The following ANKRD11 variants were observed in gnomAD, a reference collection of about 807,000 sequenced individuals.
ANKRD11 encodes ankyrin repeat domain-containing protein 11.
In ANKRD11, 17 loss-of-function variants were observed where a neutral mutation model predicts 195.7. That is an observed-to-expected ratio of 0.09 (90% confidence interval 0.06 to 0.13). The LOEUF (loss-of-function observed/expected upper bound fraction) is 0.13, where lower values mean the gene tolerates loss of function less well. Ranked by LOEUF, ANKRD11 falls within the 10% of genes least tolerant of loss-of-function variation. The pLI is 1.00. For synonymous variants in ANKRD11, 1,953 were observed against 1,528.1 expected, an observed-to-expected ratio of 1.28 and a Z score of -6.49; for missense variants, 3,735 against 3,566.1, an observed-to-expected ratio of 1.05 and a Z score of -1.21.
chr16:89,372,994 A>G (rs923055160), intron 2 of ANKRD11: 1 of 152,238 alleles, frequency 6.6e-6, no homozygotes, highest in African/African-American at 2.4e-5. Flanking sequence ...CGAGGAAGGC[A>G]CAGCACCCAC....
chr16:89,432,897 G>A (rs928903986), intron 1 of ANKRD11, among the ~76,000 whole-genome samples: 2 of 151,314 alleles, frequency 1.3e-5, no homozygotes, highest in Non-Finnish European at 2.9e-5. Context: ...AGGCTGCAGG[G>A]GGCTTTATCA....
intron 2 of ANKRD11, among the ~76,000 whole-genome samples, chr16:89,336,205 C>T (rs2038344388): frequency 6.6e-6 from 1 of 152,228 alleles, no homozygotes; most frequent in Admixed American, 6.5e-5. Context: ...TCCTTGTGGG[C>T]TACTCAAGAC....
At chr16:89,304,655 CG>C (rs1028747715) in intron 4 of ANKRD11, among the ~76,000 whole-genome samples, 15 of 151,798 alleles carry the variant, frequency 9.9e-5, no homozygotes, top group African/African-American at 3.4e-4. Context: ...CACAGATACA[CG>C]GGCATGTGCA....
At chr16:89,276,575 C>T (rs1420755937) in intron 9 of ANKRD11, among the ~76,000 whole-genome samples, 7 of 152,192 alleles carry the variant, frequency 4.6e-5, no homozygotes, top group South Asian at 2.1e-4. Flanking sequence ...CACTGCTGAC[C>T]GACACTGCCC....
At chr16:89,329,079 C>G (rs1036450336) in intron 2 of ANKRD11, 1 of 153,096 alleles carries the variant, frequency 6.5e-6, no homozygotes, top group Non-Finnish European at 1.5e-5. Flanking sequence ...GAGGCCCCTG[C>G]TGAGTGAGTG....
chr16:89,362,003 A>G (rs553230786), intron 2 of ANKRD11, among the ~76,000 whole-genome samples: 3 of 152,286 alleles, frequency 2.0e-5, no homozygotes, highest in African/African-American at 7.2e-5. Context: ...AGGCAGGAGG[A>G]CCCTGAATTT....
rs201683755 is a variant in ANKRD11 at position 89,288,597 on chromosome 16, C to T, written c.675G>A (p.Ala225=). The change falls in exon 7 of 13, where the codon GCG becomes GCA. Residue 225 remains alanine (A), a synonymous_variant. Coordinates refer to ENST00000301030, the MANE Select transcript of ANKRD11 (RefSeq NM_013275.6). ...DVAKQLLAAG[A]EVNTKGLDDD... Reference sequence around the variant, plus strand: ...CATCTAGGCCCTTGGTGTTCACCTCCGCACCTGCAGCCAGCAGCTGCTTCG... The same window carrying T: ...CATCTAGGCCCTTGGTGTTCACCTCTGCACCTGCAGCCAGCAGCTGCTTCG... 118 of 1,614,038 alleles carry T rather than the reference C, an allele frequency of 7.3e-5. 1 individual carries two copies. The Middle Eastern group carries it at 9.9e-4, about 13-fold the overall frequency.
Position 89,471,879 on chromosome 16 carries a change from T to C in ANKRD11, c.-145+18366A>G, listed in dbSNP as rs2057097297. On this transcript the variant is annotated intron_variant, in intron 1 of 12. Coordinates refer to ENST00000301030, the MANE Select transcript of ANKRD11 (RefSeq NM_013275.6). ...AGCAAAGAGGAAACAGGAAAACATG[T>C]ACCTTAAGTCCTTACTCCCCCAGTT... Among the ~76,000 whole-genome samples, 5 of 151,154 alleles carry C rather than the reference T, an allele frequency of 3.3e-5. No homozygotes were observed. In the South Asian group the frequency reaches 1.0e-3, roughly 32 times the overall value.
At chr16:89,310,361 G>A (rs1350727397) in intron 3 of ANKRD11, among the ~76,000 whole-genome samples, 1 of 152,242 alleles carries the variant, frequency 6.6e-6, no homozygotes, top group African/African-American at 2.4e-5. Flanking sequence ...AGGAAGCAAT[G>A]AAACTACACT....
chr16:89,394,383 C>G (rs1056799157), intron 2 of ANKRD11, among the ~76,000 whole-genome samples: 7 of 152,248 alleles, frequency 4.6e-5, no homozygotes, highest in African/African-American at 1.7e-4. Context: ...AATCCCAGCA[C>G]TTTGGGAGGC....
chr16:89,280,027 C>T lies in ANKRD11; in HGVS notation c.6515G>A (p.Gly2172Glu), dbSNP rs1166257435. 1.2e-6 allele frequency: 2 copies of T among 1,612,676 alleles called. No homozygotes were observed. The highest frequency in any genetic ancestry group is 1.3e-5 in the African/African-American group (1 of 74,938). ...GGAAACATCCCCACCGTTTATGACC[C>T]CGGGGGCCCCTGGAGGCATCTCTTC... The part of the protein sequence containing the change: ...PPEEMPPGAP[G>E]VINGGDVSTV... Residue 2172 changes from glycine (G) to glutamate (E), a missense_variant, in exon 9 of 13, where the codon GGG (glycine) becomes GAG (glutamate). By Grantham distance (98) the Gly-to-Glu change is moderately conservative. Coordinates refer to ENST00000301030, the MANE Select transcript of ANKRD11 (RefSeq NM_013275.6).
intron 1 of ANKRD11, among the ~76,000 whole-genome samples, chr16:89,444,718 A>G (rs2043703249): frequency 6.6e-6 from 1 of 152,210 alleles, no homozygotes; most frequent in Non-Finnish European, 1.5e-5. Context: ...AACAGGAAGG[A>G]GGATGGCATG....
chr16:89,346,268 AAAG>A (rs1445014645), intron 2 of ANKRD11, among the ~76,000 whole-genome samples: 3 of 151,552 alleles, frequency 2.0e-5, no homozygotes, highest in Admixed American at 6.6e-5. Context: ...AAAAAAAAAA[AAAG>A]AATCAACACA....
At chr16:89,352,822 C>A (rs1597752703) in intron 2 of ANKRD11, among the ~76,000 whole-genome samples, 1 of 152,184 alleles carries the variant, frequency 6.6e-6, no homozygotes, top group Admixed American at 6.5e-5. Context: ...CCACATGGGC[C>A]CCCAAGCAGG....
At chr16:89,349,550 T>C (rs184008884) in intron 2 of ANKRD11, among the ~76,000 whole-genome samples, 52 of 152,334 alleles carry the variant, frequency 3.4e-4, no homozygotes, top group Admixed American at 1.2e-3. Context: ...AGAAATTGAA[T>C]GGCAAAATAA....
chr16:89,482,558 G>A (rs865835770), intron 1 of ANKRD11, among the ~76,000 whole-genome samples: 78 of 152,334 alleles, frequency 5.1e-4, no homozygotes, highest in African/African-American at 1.8e-3. Context: ...GGGAACTGAG[G>A]TTACTAATCA....
chr16:89,413,482 G>A (rs769436579), intron 2 of ANKRD11, among the ~76,000 whole-genome samples: 2 of 152,036 alleles, frequency 1.3e-5, no homozygotes, highest in African/African-American at 4.8e-5. Context: ...AAAATTAGCC[G>A]GGCGTGGTGG....
chr16:89,344,399 A>G (rs2038840861), intron 2 of ANKRD11, among the ~76,000 whole-genome samples: 1 of 152,204 alleles, frequency 6.6e-6, no homozygotes, highest in African/African-American at 2.4e-5. Flanking sequence ...AGGCAGGACC[A>G]GCAACTCCAG....
At chr16:89,337,429 CTTTTTTTTTT>C (rs1165680827) in intron 2 of ANKRD11, among the ~76,000 whole-genome samples, 17 of 53,136 alleles carry the variant, frequency 3.2e-4, no homozygotes, top group Admixed American at 7.5e-4. Flanking sequence ...CTAAGCAATT[CTTTTTTTTTT>C]TTTTTTTTTT....
Sources: allele counts gnomAD v4.1 joint callset (sites outside exome capture counted in the v4.1 genomes callset), GRCh38; gene constraint gnomAD v4.1.1; transcripts MANE v1.5; gene names NCBI Gene and HGNC (gene_info 2026-07-23, HGNC 2026-07-21).